The following FBXL17 variants were observed in gnomAD, a reference collection of about 807,000 sequenced individuals.
FBXL17 encodes the protein F-box and leucine rich repeat protein 17, also known as F-box/LRR-repeat protein 17.
Under a neutral mutation model 66.2 loss-of-function variants are expected in FBXL17, and 22 were observed. The observed-to-expected ratio is 0.33, with a 90% CI of 0.24 to 0.47. The LOEUF (loss-of-function observed/expected upper bound fraction) is 0.47. FBXL17 is among the 20% of genes least tolerant of loss of function. The probability of loss-of-function intolerance (pLI) is 1.00; values close to 1 mark genes in which losing one functional copy is unlikely to be tolerated. For missense variants in FBXL17, 878 were observed against 948.2 expected (o/e 0.93, Z 0.97); for synonymous variants, 474 against 400.5 (o/e 1.18, Z -2.19).
rs966679956 is a variant in FBXL17, at chr5:108,334,153, T to TA, written c.1506+14245dup. 9.2e-5 allele frequency among the ~76,000 whole-genome samples: 14 copies of TA among 152,212 alleles called. No homozygotes were observed. The East Asian group carries it at 1.9e-3, about 21-fold the overall frequency. On this transcript the variant is annotated intron_variant, in intron 4 of 8. Coordinates refer to ENST00000542267, the MANE Select transcript of FBXL17 (RefSeq NM_001163315.3). The stretch of plus-strand genomic sequence containing the variant: ...AACAGAATTTCTAGGTAATTAAGGT[T>TA]AAAAAATAAATAAACACCTAAATTG...
chr5:108,317,948 T>C (rs1406625203), intron 4 of FBXL17, among the ~76,000 whole-genome samples: 2 of 151,490 alleles, frequency 1.3e-5, no homozygotes, highest in Non-Finnish European at 3.0e-5. Context: ...CATAAAAGCT[T>C]TACAGATAAT....
intron 6 of FBXL17, among the ~76,000 whole-genome samples, chr5:108,097,994 C>T (rs1490481132): frequency 6.6e-6 from 1 of 151,982 alleles, no homozygotes; most frequent in African/African-American, 2.4e-5. Flanking sequence ...TCCATGACAG[C>T]AGAAAGCTTG....
At chr5:107,906,250 A>G (rs2112539764) in intron 7 of FBXL17, among the ~76,000 whole-genome samples, 2 of 152,296 alleles carry the variant, frequency 1.3e-5, no homozygotes, top group East Asian at 3.9e-4. Flanking sequence ...TTATATGTAT[A>G]TGCTAAATGT....
rs77396809 is a variant in FBXL17 at position 107,966,563 on chromosome 5, C to A, written c.1822+54362G>T. On this transcript the variant is annotated intron_variant, in intron 7 of 8. Coordinates refer to ENST00000542267, the MANE Select transcript of FBXL17 (RefSeq NM_001163315.3). The stretch of plus-strand genomic sequence containing the variant: ...ACTACCTGGCTCCCAATTTCTCAGA[C>A]CTTTCTGGGAGGTAAACTGGGTAGC... Among the ~76,000 whole-genome samples, 50 of 152,262 alleles carry A rather than the reference C, an allele frequency of 3.3e-4. No homozygotes were observed. The East Asian group carries it at 7.2e-3, about 22-fold the overall frequency.
At chr5:108,338,576 T>C (rs753900593) in intron 4 of FBXL17, among the ~76,000 whole-genome samples, 5 of 152,174 alleles carry the variant, frequency 3.3e-5, no homozygotes, top group East Asian at 1.9e-4. Context: ...TAATGAAATA[T>C]GGCAGCCACT....
At chr5:108,173,393 TATA>T (rs1224003389) in intron 6 of FBXL17, among the ~76,000 whole-genome samples, 2 of 151,894 alleles carry the variant, frequency 1.3e-5, no homozygotes, top group East Asian at 1.9e-4. Flanking sequence ...GAACTTAAAG[TATA>T]ATAATAATAA....
rs113524399 is a variant in FBXL17, at chr5:108,172,322, T to C, written c.1745+13795A>G. Among the ~76,000 whole-genome samples the C allele has an allele frequency of 1.1e-3, 162 of 152,262 alleles. 4 individuals carry two copies. Among genetic ancestry groups the C allele is most frequent in the African/African-American group, 3.6e-3 (150 of 41,562 alleles). On this transcript the variant is annotated intron_variant, in intron 6 of 8. Transcript: ENST00000542267. Reference sequence around the variant, plus strand: ...AAGGCCCACAACGAAATTTCCACCATATTCTATCAGTCACAGCCAAGTCAC... The same window carrying C: ...AAGGCCCACAACGAAATTTCCACCACATTCTATCAGTCACAGCCAAGTCAC...
At chr5:108,376,949 C>G (rs1749468961) in intron 1 of FBXL17, among the ~76,000 whole-genome samples, 1 of 151,982 alleles carries the variant, frequency 6.6e-6, no homozygotes, top group Non-Finnish European at 1.5e-5. Flanking sequence ...TATTTCTGAG[C>G]CTTTTAACAT....
chr5:108,340,973 A>C (rs1380245595), intron 4 of FBXL17, among the ~76,000 whole-genome samples: 1 of 152,180 alleles, frequency 6.6e-6, no homozygotes, highest in African/African-American at 2.4e-5. Flanking sequence ...GAAAATGTAC[A>C]TATCTTAGTA....
Position 108,381,729 on chromosome 5 carries a change from A to C in FBXL17, c.-38T>G. The C allele has an allele frequency of 7.1e-7, 1 of 1,398,938 alleles. No individual in the cohort carries two copies. Among genetic ancestry groups the C allele is most frequent in the South Asian group, 1.5e-5 (1 of 65,366 alleles). The allele number at this position is 1,398,938 out of a possible 1,614,324, so 86.7% of individuals were successfully genotyped here. ...GAGGAGGGGGACCGGGACGGGAGGG[A>C]GGGAGACCCAGAGAGGCGGGCTCCC... On this transcript the variant is annotated 5_prime_UTR_variant, in exon 1 of 9. Transcript: ENST00000542267.
chr5:108,276,473 A>T (rs79859781), intron 4 of FBXL17, among the ~76,000 whole-genome samples: 6,589 of 152,160 alleles, frequency 0.043, 778 homozygotes, highest in East Asian at 0.39. Flanking sequence ...AGCAATGACA[A>T]CCTTAGAATA....
chr5:107,914,074 T>C (rs1349623886), intron 7 of FBXL17, among the ~76,000 whole-genome samples: 1 of 143,058 alleles, frequency 7.0e-6, no homozygotes, highest in Non-Finnish European at 1.5e-5. Context: ...GAATACTTCA[T>C]TATAGATTTA....
At chr5:107,958,869 T>G (rs935404968) in intron 7 of FBXL17, among the ~76,000 whole-genome samples, 1 of 152,206 alleles carries the variant, frequency 6.6e-6, no homozygotes, top group Non-Finnish European at 1.5e-5. Flanking sequence ...AAGAAAATAA[T>G]GGAAAAATTA....
At chr5:108,280,613 A>C (rs1757662713) in intron 4 of FBXL17, among the ~76,000 whole-genome samples, 2 of 152,010 alleles carry the variant, frequency 1.3e-5, no homozygotes, top group South Asian at 2.1e-4. Context: ...AGAAAAAAAA[A>C]CAAAGAATTT....
chr5:108,024,324 A>G (rs977699893), intron 6 of FBXL17, among the ~76,000 whole-genome samples: 2 of 152,198 alleles, frequency 1.3e-5, no homozygotes, highest in African/African-American at 2.4e-5. Flanking sequence ...GTCAAGCACA[A>G]TTAAGATTAC....
chr5:108,164,495 T>C (rs77587875), intron 6 of FBXL17, among the ~76,000 whole-genome samples: 18,081 of 152,166 alleles, frequency 0.12, 1,287 homozygotes, highest in East Asian at 0.16. Flanking sequence ...CTCCAGTATA[T>C]GGCAGGTATT....
chr5:108,249,545 A>G (rs1264336519), intron 4 of FBXL17, among the ~76,000 whole-genome samples: 1 of 152,162 alleles, frequency 6.6e-6, no homozygotes, highest in Non-Finnish European at 1.5e-5. Context: ...TAACTTATTC[A>G]AATAGTGAAG....
At chr5:108,331,929 T>G (rs891184303) in intron 4 of FBXL17, among the ~76,000 whole-genome samples, 3 of 152,192 alleles carry the variant, frequency 2.0e-5, no homozygotes, top group Non-Finnish European at 4.4e-5. Context: ...TCTAAAGATC[T>G]GAAATAATTT....
chr5:108,281,013 G>A (rs1385559585), intron 4 of FBXL17, among the ~76,000 whole-genome samples: 1 of 151,772 alleles, frequency 6.6e-6, no homozygotes, highest in African/African-American at 2.4e-5. Flanking sequence ...GGAGCACCCA[G>A]AGTCATAAAA....
Sources: gnomAD v4.1 joint callset for allele counts (sites outside exome capture counted in the v4.1 genomes callset) on GRCh38, gnomAD v4.1.1 for gene constraint, MANE v1.5 for transcripts, NCBI Gene and HGNC (gene_info 2026-07-23, HGNC 2026-07-21) for gene names.